AFF2: variants seen among roughly 807,000 people sequenced by gnomAD.
The protein encoded by AFF2 is AF4/FMR2 family member 2.
Under a neutral mutation model 76.9 loss-of-function variants are expected in AFF2, and 14 were observed. That is an observed-to-expected ratio of 0.18 (90% CI 0.12 to 0.28). The LOEUF is 0.28. Ranked by LOEUF, AFF2 falls within the 10% of genes least tolerant of loss-of-function variation. The probability of loss-of-function intolerance (pLI) is 1.00; values close to 1 mark genes in which losing one functional copy is unlikely to be tolerated. For missense variants in AFF2, 868 were observed against 1,001.1 expected, an observed-to-expected ratio of 0.87 and a Z score of 1.79; for synonymous variants, 398 against 366.7, an observed-to-expected ratio of 1.09 and a Z score of -0.98.
At chrX:148,961,994 G>A (rs782320599) in intron 12 of AFF2, among the ~76,000 whole-genome samples, 87 of 112,509 alleles carry the variant, frequency 7.7e-4, no homozygotes, top group African/African-American at 2.7e-3. Context: ...CATTTAATGG[G>A]CAGATAAATC....
intron 3 of AFF2, among the ~76,000 whole-genome samples, chrX:148,785,996 T>C (rs782431883): frequency 1.3e-4 from 14 of 111,625 alleles, no homozygotes; most frequent in Admixed American, 1.9e-4. Flanking sequence ...CAATGTAACA[T>C]AGGGATAATG....
At chrX:148,694,923 C>T (rs2054699057) in intron 3 of AFF2, among the ~76,000 whole-genome samples, 1 of 103,667 alleles carries the variant, frequency 9.6e-6, no homozygotes, top group Non-Finnish European at 1.9e-5. Context: ...TCAAGCAATT[C>T]TCCTGCCTCA....
chrX:148,987,452 C>T lies in AFF2; in HGVS notation c.3709C>T (p.Gln1237Ter). The change falls in exon 20 of 21, where the codon CAG becomes TAG. Residue 1237 changes from glutamine (Q) to a stop codon, truncating the protein, a stop_gained. Transcript: ENST00000370460. LOFTEE classifies it high-confidence loss of function. ...TAACAATGGCCCAGTCACCATTCCC[C>T]AGCGCATTCACCACATGGCTGCCAG... ...NCNNGPVTIP[Q>*]RIHHMAASHV... 1 of 1,211,261 alleles carries T rather than the reference C, an allele frequency of 8.3e-7. No homozygotes were observed. Among genetic ancestry groups the T allele is most frequent in the Non-Finnish European group, 1.1e-6 (1 of 894,960 alleles).
chrX:148,535,317 T>A (rs2052772182), intron 1 of AFF2, among the ~76,000 whole-genome samples: 1 of 112,223 alleles, frequency 8.9e-6, no homozygotes, highest in African/African-American at 3.2e-5. Flanking sequence ...ACAAAACAGT[T>A]TTTTTTGGTA....
chrX:148,981,603 T>C (rs1557290883), intron 19 of AFF2, among the ~76,000 whole-genome samples: 4 of 111,153 alleles, frequency 3.6e-5, no homozygotes, highest in African/African-American at 1.3e-4. Flanking sequence ...TGAGCATCAG[T>C]TTCTCCTCTG....
At chrX:148,794,283 C>G (rs1557270199) in intron 3 of AFF2, among the ~76,000 whole-genome samples, 1 of 112,141 alleles carries the variant, frequency 8.9e-6, no homozygotes, top group Non-Finnish European at 1.9e-5. Context: ...TGTCATGGCT[C>G]CAGTAAGCTC....
Position 148,768,237 on chromosome X carries a change from A to G in AFF2, c.1042-41639A>G, listed in dbSNP as rs2069543083. On this transcript the variant is annotated intron_variant, in intron 3 of 20. Transcript: ENST00000370460. ...CCAGCAGTTAGTCCTTCCCTTTCCT[A>G]GTTCAAACTCCCTCTGTTCTGTTCT... Among the ~76,000 whole-genome samples, 9 of 108,272 alleles carry G rather than the reference A, an allele frequency of 8.3e-5. No homozygotes were observed. In the Admixed American group the frequency reaches 9.0e-4, roughly 11 times the overall value. 94.0% of individuals were successfully genotyped at this position (108,272 alleles called of 115,157 possible).
intron 7 of AFF2, among the ~76,000 whole-genome samples, chrX:148,853,459 G>A (rs2070754043): frequency 9.0e-6 from 1 of 111,544 alleles, no homozygotes; most frequent in Non-Finnish European, 1.9e-5. Flanking sequence ...TAATAAAACA[G>A]AGATGATATA....
At chrX:148,671,656 C>T (rs781943982) in intron 3 of AFF2, among the ~76,000 whole-genome samples, 5 of 111,491 alleles carry the variant, frequency 4.5e-5, no homozygotes, top group South Asian at 3.8e-4. Context: ...TGAGCCCTGC[C>T]GGCACACATT....
At chrX:148,744,078 G>T (rs1557265907) in intron 3 of AFF2, among the ~76,000 whole-genome samples, 1 of 110,980 alleles carries the variant, frequency 9.0e-6, no homozygotes, top group African/African-American at 3.3e-5. Flanking sequence ...TATGCCGAAA[G>T]AAAGGTGTAA....
intron 9 of AFF2, among the ~76,000 whole-genome samples, chrX:148,917,622 G>A (rs1003362710): frequency 3.6e-5 from 4 of 111,992 alleles, no homozygotes; most frequent in Non-Finnish European, 7.5e-5. Flanking sequence ...GCATTCAGCA[G>A]CTTTTCCCAT....
intron 3 of AFF2, among the ~76,000 whole-genome samples, chrX:148,740,100 T>C (rs950851885): frequency 8.9e-6 from 1 of 111,853 alleles, no homozygotes; most frequent in Non-Finnish European, 1.9e-5. Context: ...TCATCCTAAC[T>C]TTGGATAACC....
At position 148,995,245 on chromosome X, in the gene AFF2, AGTG is replaced by A. The variant is rs1557292895; in HGVS notation, c.*3915_*3917del. The A allele has an allele frequency of 1.8e-5, 2 of 110,900 alleles. No individual in the cohort carries two copies. Among genetic ancestry groups the A allele is most frequent in the Admixed American group, 9.7e-5 (1 of 10,322 alleles). The allele number at this position is 110,900 out of a possible 1,213,427, so 9.1% of individuals were successfully genotyped here. A position where few individuals can be genotyped will look rare whatever the true frequency, so the allele number is the denominator to read the frequency against. On this transcript the variant is annotated 3_prime_UTR_variant, in exon 21 of 21. Coordinates refer to ENST00000370460, the MANE Select transcript of AFF2 (RefSeq NM_002025.4). ...AGTGTTAGTAGACTCCAACAACAGA[AGTG>A]GCATCTGTGTATTCATAATCAGCAT...
chrX:148,581,682 G>A lies in AFF2; in HGVS notation c.48-70317G>A, dbSNP rs782413863. Among the ~76,000 whole-genome samples, 49 of 110,093 alleles carry A rather than the reference G, an allele frequency of 4.5e-4. 1 individual carries two copies. The highest frequency in any genetic ancestry group is 1.6e-3 in the African/African-American group (47 of 29,789). On this transcript the variant is annotated intron_variant, in intron 1 of 20. Coordinates refer to ENST00000370460, the MANE Select transcript of AFF2 (RefSeq NM_002025.4). The stretch of plus-strand genomic sequence containing the variant: ...CGTATACGTGTACACACATATATAC[G>A]TATACGTATATGTATACACAAATAC...
intron 3 of AFF2, among the ~76,000 whole-genome samples, chrX:148,715,433 C>A (rs1338480835): frequency 9.1e-6 from 1 of 109,980 alleles, no homozygotes; most frequent in African/African-American, 3.4e-5. Context: ...TGCTCGCTGG[C>A]ACACACAGAC....
chrX:148,843,513 G>A (rs1330771547), intron 7 of AFF2, 80 bp downstream of exon 7: 3 of 836,627 alleles, frequency 3.6e-6, no homozygotes, highest in African/African-American at 4.0e-5. Context: ...ATCTAATCTT[G>A]TTCTCTCCTC....
At chrX:148,781,256 C>T (rs1603299750) in intron 3 of AFF2, among the ~76,000 whole-genome samples, 1 of 112,362 alleles carries the variant, frequency 8.9e-6, no homozygotes. Context: ...TAACGCTGTG[C>T]TGGGAGATCC....
At chrX:148,633,902 T>A (rs1349368697) in intron 1 of AFF2, among the ~76,000 whole-genome samples, 1 of 111,837 alleles carries the variant, frequency 8.9e-6, no homozygotes, top group Non-Finnish European at 1.9e-5. Context: ...CTTTCTCCCA[T>A]GAAAAAGTGA....
intron 3 of AFF2, among the ~76,000 whole-genome samples, chrX:148,757,930 A>G (rs781788569): frequency 1.8e-4 from 20 of 112,604 alleles, no homozygotes; most frequent in Non-Finnish European, 2.6e-4. Context: ...TTGTCAAAAC[A>G]TGCAATGTCC....
Sources: allele counts gnomAD v4.1 joint callset (sites outside exome capture counted in the v4.1 genomes callset), GRCh38; gene constraint gnomAD v4.1.1; transcripts MANE v1.5; gene names NCBI Gene and HGNC (gene_info 2026-07-23, HGNC 2026-07-21).